PARN: variants seen among roughly 807,000 people sequenced by gnomAD.
PARN encodes the protein poly(A)-specific ribonuclease.
A neutral mutation model predicts 102.8 loss-of-function variants in PARN; 71 were observed. The ratio of observed to expected loss-of-function variants is 0.69; its 90% CI spans 0.57 to 0.84. The LOEUF is 0.84. Among genes scored for constraint, PARN ranks in the 40% least tolerant of loss-of-function variants. The probability of loss-of-function intolerance (pLI) is 0.00; values close to 1 mark genes in which losing one functional copy is unlikely to be tolerated. For missense variants in PARN, 782 were observed against 760.9 expected, an observed-to-expected ratio of 1.03 and a Z score of -0.33; for synonymous variants, 261 against 252.9, an observed-to-expected ratio of 1.03 and a Z score of -0.30.
intron 21 of PARN, among the ~76,000 whole-genome samples, chr16:14,546,004 T>G (rs1452091979): frequency 6.6e-6 from 1 of 151,198 alleles, no homozygotes; most frequent in Admixed American, 6.6e-5. Context: ...TATCAAACAA[T>G]ACAGAGAAAC....
intron 11 of PARN, among the ~76,000 whole-genome samples, chr16:14,601,427 G>A (rs1416922369): frequency 6.6e-6 from 1 of 152,074 alleles, no homozygotes; most frequent in African/African-American, 2.4e-5. Flanking sequence ...GTAGAATAGT[G>A]GTTGCCAGGG....
intron 21 of PARN, among the ~76,000 whole-genome samples, chr16:14,486,472 C>G (rs111699198): frequency 2.6e-5 from 4 of 152,168 alleles, no homozygotes; most frequent in East Asian, 1.9e-4. Context: ...GGGTCACAGG[C>G]GAGCTGAGTT....
chr16:14,579,926 A>C (rs184404678), intron 18 of PARN, among the ~76,000 whole-genome samples: 307 of 151,558 alleles, frequency 2.0e-3, no homozygotes, highest in African/African-American at 7.1e-3. Context: ...CCGTGAGCTG[A>C]GATTGTGCCA....
intron 21 of PARN, among the ~76,000 whole-genome samples, chr16:14,499,448 A>C (rs965178964): frequency 6.6e-6 from 1 of 152,246 alleles, no homozygotes; most frequent in African/African-American, 2.4e-5. Flanking sequence ...GGCAACTCCC[A>C]AAATTCAAAG....
chr16:14,516,742 T>C (rs923149642), intron 21 of PARN, among the ~76,000 whole-genome samples: 1 of 152,198 alleles, frequency 6.6e-6, no homozygotes, highest in Non-Finnish European at 1.5e-5. Flanking sequence ...ACCAAACTCA[T>C]GGAACAAACA....
chr16:14,535,490 C>A (rs1042799422), intron 21 of PARN, among the ~76,000 whole-genome samples: 7 of 152,108 alleles, frequency 4.6e-5, no homozygotes, highest in Non-Finnish European at 7.4e-5. Context: ...GATTCTTTTT[C>A]AGAATAGCAG....
Position 14,606,518 on chromosome 16 carries a change from T to G in PARN, c.668A>C (p.Lys223Thr), listed in dbSNP as rs755566968. 1 of 1,569,784 alleles carries G rather than the reference T, an allele frequency of 6.4e-7. No homozygotes were observed. Among genetic ancestry groups the G allele is most frequent in the South Asian group, 1.2e-5 (1 of 86,730 alleles). ...TTCTAAAGTCTCAACATGAATGCCT[T>G]TCGGATACCTAAAGAAAAGAAAAAC... Reference protein sequence around the residue: ...IYQTLSWKYPKGIHVETLETE... With the variant: ...IYQTLSWKYPTGIHVETLETE... The change falls in exon 10 of 24, where the codon AAA becomes ACA. Residue 223 changes from lysine to threonine, a missense_variant. By Grantham distance (78) the Lys-to-Thr change is moderately conservative (BLOSUM62 -1). Coordinates refer to ENST00000437198, the MANE Select transcript of PARN (RefSeq NM_002582.4).
In PARN at chr16:14,628,156, T is replaced by C. The variant is rs756765052; in HGVS notation, c.177+16A>G. 8 of 1,436,568 alleles carry C rather than the reference T, an allele frequency of 5.6e-6. No individual in the cohort carries two copies. The East Asian group carries it at 1.8e-4, about 33-fold the overall frequency. 89.0% of individuals were successfully genotyped at this position (1,436,568 alleles called of 1,614,324 possible). The stretch of plus-strand genomic sequence containing the variant: ...TAACATGAGAAAGAAAAAGATTTCC[T>C]AGCACATCCACTTGCCTTTTTAAGC... On this transcript the variant is annotated intron_variant, in intron 3 of 23. Transcript: ENST00000437198.
chr16:14,556,834 A>C (rs572556842), intron 18 of PARN, among the ~76,000 whole-genome samples: 2 of 152,268 alleles, frequency 1.3e-5, no homozygotes, highest in South Asian at 2.1e-4. Flanking sequence ...GATAAATGCT[A>C]ATCTCTCTGG....
intron 21 of PARN, among the ~76,000 whole-genome samples, chr16:14,490,000 C>T (rs1963971051): frequency 6.6e-6 from 1 of 152,178 alleles, no homozygotes; most frequent in Admixed American, 6.5e-5. Flanking sequence ...GAAACCCTGT[C>T]TCTACTTAAA....
At chr16:14,522,071 C>T (rs189200319) in intron 21 of PARN, among the ~76,000 whole-genome samples, 6 of 152,284 alleles carry the variant, frequency 3.9e-5, no homozygotes, top group East Asian at 1.9e-4. Flanking sequence ...GTTCACACAA[C>T]GAAAATGCCT....
intron 5 of PARN, among the ~76,000 whole-genome samples, chr16:14,622,731 C>G (rs140801601): frequency 6.6e-6 from 1 of 152,232 alleles, no homozygotes; most frequent in Non-Finnish European, 1.5e-5. Flanking sequence ...TGGTCTTAAT[C>G]TCCTGACCTC....
chr16:14,447,137 G>A (rs1356154152), intron 22 of PARN, 56 bp from the exon 23 acceptor site: 1 of 1,213,846 alleles, frequency 8.2e-7, no homozygotes, highest in African/African-American at 1.5e-5. Flanking sequence ...AGGAAGACTA[G>A]TCTATAAAAA....
chr16:14,436,044 G>A lies in PARN; in HGVS notation c.*673C>T, dbSNP rs540791345. On this transcript the variant is annotated 3_prime_UTR_variant, in exon 24 of 24. Coordinates refer to ENST00000437198, the MANE Select transcript of PARN (RefSeq NM_002582.4). ...CACAGCGCCACGCATAAGAACAGAAGTTAACCTTTTTACTCGTACATCCCC... is the reference window on the plus strand; with the variant it reads ...CACAGCGCCACGCATAAGAACAGAAATTAACCTTTTTACTCGTACATCCCC... 6.6e-6 allele frequency: 1 copy of A among 152,154 alleles called. No individual in the cohort carries two copies. Among genetic ancestry groups the A allele is most frequent in the Non-Finnish European group, 1.5e-5 (1 of 68,146 alleles). The allele number at this position is 152,154 out of a possible 1,614,324, so 9.4% of individuals were successfully genotyped here.
chr16:14,532,806 G>A (rs1966419590), intron 21 of PARN, among the ~76,000 whole-genome samples: 1 of 150,776 alleles, frequency 6.6e-6, no homozygotes, highest in Admixed American at 6.6e-5. Flanking sequence ...CCGGGCGGGG[G>A]GCTGACCCCC....
chr16:14,503,000 A>AT lies in PARN; in HGVS notation c.1481-20174dup, dbSNP rs1244526155. 3.9e-5 allele frequency among the ~76,000 whole-genome samples: 6 copies of AT among 152,316 alleles called. No homozygotes were observed. The East Asian group carries it at 7.7e-4, about 20-fold the overall frequency. On this transcript the variant is annotated intron_variant, in intron 21 of 23. Transcript: ENST00000437198. ...TAAAATGGACATATTGCAGAATAGCATTTTTTTAAATTGTGAGAATGGTTT... is the reference window on the plus strand; with the variant it reads ...TAAAATGGACATATTGCAGAATAGCATTTTTTTTAAATTGTGAGAATGGTTT...
intron 21 of PARN, among the ~76,000 whole-genome samples, chr16:14,504,832 A>G (rs1964805149): frequency 6.6e-6 from 1 of 152,232 alleles, no homozygotes; most frequent in South Asian, 2.1e-4. Flanking sequence ...TAAGCAGTAC[A>G]GTTTCATATG....
chr16:14,559,675 T>C (rs1240920734), intron 18 of PARN, among the ~76,000 whole-genome samples: 1 of 152,218 alleles, frequency 6.6e-6, no homozygotes, highest in Non-Finnish European at 1.5e-5. Flanking sequence ...ATAAAAGCTA[T>C]TTTTTAATGT....
chr16:14,473,879 C>T (rs1194447309), intron 22 of PARN, among the ~76,000 whole-genome samples: 1 of 152,170 alleles, frequency 6.6e-6, no homozygotes, highest in East Asian at 1.9e-4. Context: ...ATTCTTCTGC[C>T]ACAGTGCTAG....
Sources: allele counts gnomAD v4.1 joint callset (sites outside exome capture counted in the v4.1 genomes callset), GRCh38; gene constraint gnomAD v4.1.1; transcripts MANE v1.5; gene names NCBI Gene and HGNC (gene_info 2026-07-23, HGNC 2026-07-21).